ARHGEF18: variants seen among roughly 807,000 people sequenced by gnomAD.
ARHGEF18 encodes Rho/Rac guanine nucleotide exchange factor 18.
A neutral mutation model predicts 155.7 loss-of-function variants in ARHGEF18; 93 were observed. The ratio of observed to expected loss-of-function variants is 0.60; its 90% CI spans 0.50 to 0.71. ARHGEF18 has a LOEUF of 0.71. Ranked by LOEUF, ARHGEF18 falls within the 30% of genes least tolerant of loss-of-function variation. The probability of loss-of-function intolerance (pLI) is 0.00; values close to 1 mark genes in which losing one functional copy is unlikely to be tolerated. For synonymous variants in ARHGEF18, 742 were observed against 753.1 expected (o/e 0.99, Z 0.24); for missense variants, 1,593 against 1,816.1 (o/e 0.88, Z 2.23).
At chr19:7,415,460 C>A (rs1482269529) in intron 10 of ARHGEF18, among the ~76,000 whole-genome samples, 1 of 152,052 alleles carries the variant, frequency 6.6e-6, no homozygotes, top group Non-Finnish European at 1.5e-5. Flanking sequence ...CTGCTCCCCA[C>A]GCTGCAGCCA....
At chr19:7,466,527 G>A (rs1306053491) in intron 23 of ARHGEF18, among the ~76,000 whole-genome samples, 3 of 149,774 alleles carry the variant, frequency 2.0e-5, no homozygotes, top group Admixed American at 1.3e-4. Flanking sequence ...AAGAAGCCAG[G>A]CATGGTGGCT....
At chr19:7,446,228 C>A (rs945802340) in intron 14 of ARHGEF18, among the ~76,000 whole-genome samples, 7 of 151,334 alleles carry the variant, frequency 4.6e-5, no homozygotes, top group Admixed American at 1.3e-4. Context: ...GTCAGGTTAG[C>A]CAGGTGTGGT....
chr19:7,363,673 GTGAGTGGATGGA>G (rs1471787054), intron 2 of ARHGEF18, among the ~76,000 whole-genome samples: 1 of 151,610 alleles, frequency 6.6e-6, no homozygotes, highest in Non-Finnish European at 1.5e-5. Context: ...TAATGGATGG[GTGAGTGGATGGA>G]TGAGAAGAAA....
Position 7,414,137 on chromosome 19 carries a change from A to G in ARHGEF18, c.968-26207A>G, listed in dbSNP as rs1026957113. ...ACCTGGGCACTGCAGGGTGCTGAGC[A>G]GCATCCCTGGCCTCCACCCACCAGA... On this transcript the variant is annotated intron_variant, in intron 10 of 28. Transcript: ENST00000668164. Among the ~76,000 whole-genome samples the G allele has an allele frequency of 3.3e-5, 5 of 152,218 alleles. No individual in the cohort carries two copies. The South Asian group carries it at 8.3e-4, about 25-fold the overall frequency.
Position 7,372,777 on chromosome 19 carries a change from GTCT to G in ARHGEF18, c.16-28_16-26del, listed in dbSNP as rs1733895850. On this transcript the variant is annotated intron_variant, in intron 2 of 28. Transcript: ENST00000668164. Reference sequence around the variant, plus strand: ...CAGGTTCTGCTGCCCCTTGGTCAATGTCTTCTTCTCCCTCCTCACCTTCCCAAC... The same window carrying G: ...CAGGTTCTGCTGCCCCTTGGTCAATGTCTTCTCCCTCCTCACCTTCCCAAC... 4.1e-6 allele frequency: 5 copies of G among 1,234,366 alleles called. No homozygotes were observed. The South Asian group carries it at 1.2e-4, about 30-fold the overall frequency. The allele number at this position is 1,234,366 out of a possible 1,614,324, so 76.5% of individuals were successfully genotyped here.
At chr19:7,469,348 T>G (rs1976870744) in intron 27 of ARHGEF18, among the ~76,000 whole-genome samples, 1 of 152,156 alleles carries the variant, frequency 6.6e-6, no homozygotes, top group East Asian at 1.9e-4. Context: ...CTTCTCCACC[T>G]CAACCCTCAA....
intron 7 of ARHGEF18, among the ~76,000 whole-genome samples, chr19:7,380,517 TA>T (rs994349402): frequency 1.1e-4 from 16 of 145,414 alleles, no homozygotes; most frequent in Admixed American, 5.5e-4. Flanking sequence ...AGTACTTGGT[TA>T]AAAAAAAAAT....
chr19:7,417,788 C>T (rs114935070), intron 10 of ARHGEF18, among the ~76,000 whole-genome samples: 1 of 151,816 alleles, frequency 6.6e-6, no homozygotes, highest in African/African-American at 2.4e-5. Context: ...TGGAGGAGGC[C>T]GGGGTGGGTG....
intron 5 of ARHGEF18, 63 bp downstream of exon 5, chr19:7,376,820 T>TGGTGAAACCCCAA: frequency 9.1e-7 from 1 of 1,094,738 alleles, no homozygotes; most frequent in Non-Finnish European, 1.2e-6. Context: ...CTGGCCAACA[T>TGGTGAAACCCCAA]GGTGAAACCC....
At chr19:7,406,004 T>C (rs1013228677) in intron 10 of ARHGEF18, among the ~76,000 whole-genome samples, 2 of 152,160 alleles carry the variant, frequency 1.3e-5, no homozygotes, top group Admixed American at 6.6e-5. Context: ...TTGAAGTAAA[T>C]GTAGAAGGTC....
intron 13 of ARHGEF18, among the ~76,000 whole-genome samples, 177 bp downstream of exon 13, chr19:7,442,229 T>C (rs541801991): frequency 1.3e-5 from 2 of 151,896 alleles, no homozygotes; most frequent in African/African-American, 2.4e-5. Flanking sequence ...CTTTCTCTCT[T>C]TCTTTCTTTC....
intron 1 of ARHGEF18, among the ~76,000 whole-genome samples, 178 bp downstream of exon 1, chr19:7,349,419 A>C (rs1304681934): frequency 2.0e-5 from 3 of 152,118 alleles, no homozygotes; most frequent in African/African-American, 7.2e-5. Context: ...TTCATTGTGC[A>C]GAGATCTGTG....
At position 7,467,547 on chromosome 19, in the gene ARHGEF18, G is replaced by C. The variant is rs1441074167; in HGVS notation, c.3343G>C (p.Ala1115Pro). 6.8e-7 allele frequency: 1 copy of C among 1,474,542 alleles called. No homozygotes were observed. Among genetic ancestry groups the C allele is most frequent in the African/African-American group, 1.5e-5 (1 of 67,994 alleles). 91.3% of individuals were successfully genotyped at this position (1,474,542 alleles called of 1,614,324 possible). ...GGCCGAGCTGGAGCGCCAGCGCCAG[G>C]CCTACCAGCACGACCTGGAGCGGCT... is the stretch of plus-strand genomic sequence containing the variant. ...ERAELERQRQ[A>P]YQHDLERLRE... The change falls in exon 26 of 29, where the codon GCC (alanine) becomes CCC (proline). Residue 1115 changes from alanine to proline, a missense_variant. Transcript: ENST00000668164.
chr19:7,464,732 T>G, intron 23 of ARHGEF18, 42 bp downstream of exon 23: 3 of 1,608,758 alleles, frequency 1.9e-6, no homozygotes, highest in Non-Finnish European at 2.6e-6. Flanking sequence ...TGAGTCGTCA[T>G]AAGGATTCAT....
intron 3 of ARHGEF18, among the ~76,000 whole-genome samples, chr19:7,373,974 T>C (rs1970324963): frequency 6.6e-6 from 1 of 151,462 alleles, no homozygotes; most frequent in Non-Finnish European, 1.5e-5. Context: ...TTGGCCAGAC[T>C]AGTCTCAAAC....
chr19:7,420,254 G>T (rs1973273771), intron 10 of ARHGEF18, among the ~76,000 whole-genome samples: 1 of 151,970 alleles, frequency 6.6e-6, no homozygotes, highest in Non-Finnish European at 1.5e-5. Context: ...ATGCCACCAC[G>T]GCCAGCTGAG....
Position 7,449,443 on chromosome 19 carries a change from G to A in ARHGEF18, c.1738-1706G>A, listed in dbSNP as rs373982488. On this transcript the variant is annotated intron_variant, in intron 15 of 28. Coordinates refer to ENST00000668164, the MANE Select transcript of ARHGEF18 (RefSeq NM_001367823.1). ...ACAAAAATTAGCCAGGTGTGGTGGC[G>A]CACACCTGTAATCCCAGCTACTCGG... Among the ~76,000 whole-genome samples, 343 of 152,090 alleles carry A rather than the reference G, an allele frequency of 2.3e-3. 3 individuals carry two copies. Among genetic ancestry groups the A allele is most frequent in the African/African-American group, 7.9e-3 (326 of 41,466 alleles).
chr19:7,465,481 T>G (rs559919456), intron 23 of ARHGEF18, among the ~76,000 whole-genome samples: 1 of 148,762 alleles, frequency 6.7e-6, no homozygotes, highest in East Asian at 2.0e-4. Context: ...TGATCACAGC[T>G]CACACAGCCT....
chr19:7,465,967 C>G (rs1369391811), intron 23 of ARHGEF18, among the ~76,000 whole-genome samples: 1 of 151,976 alleles, frequency 6.6e-6, no homozygotes, highest in African/African-American at 2.4e-5. Flanking sequence ...ACCTGTAATC[C>G]CAGCTACTCA....
Sources: gnomAD v4.1 joint callset for allele counts (sites outside exome capture counted in the v4.1 genomes callset) on GRCh38, gnomAD v4.1.1 for gene constraint, MANE v1.5 for transcripts, NCBI Gene and HGNC (gene_info 2026-07-23, HGNC 2026-07-21) for gene names.